Variants in NPAS2 observed in about 807,000 individuals in gnomAD.
NPAS2 encodes neuronal PAS domain-containing protein 2.
NPAS2 carries 23 observed loss-of-function variants against 107.5 expected under a neutral mutation model. The ratio of observed to expected loss-of-function variants is 0.21; its 90% CI spans 0.15 to 0.30. The LOEUF (loss-of-function observed/expected upper bound fraction) is 0.30, where lower values mean the gene tolerates loss of function less well. Among genes scored for constraint, NPAS2 ranks in the 10% least tolerant of loss-of-function variants. NPAS2 has a pLI of 1.00. For synonymous variants in NPAS2, 403 were observed against 417.5 expected (o/e 0.97, Z 0.42); for missense variants, 756 against 1,043.3 (o/e 0.72, Z 3.79).
At chr2:100,978,526 A>AAAAGAAAGAAAGAAAG (rs137857480) in intron 15 of NPAS2, among the ~76,000 whole-genome samples, 2 of 151,520 alleles carry the variant, frequency 1.3e-5, no homozygotes, top group African/African-American at 4.9e-5. Flanking sequence ...TGTTTAAAAA[A>AAAAGAAAGAAAGAAAG]AAAGAAAGAA....
chr2:100,849,556 A>G (rs866132389), intron 1 of NPAS2, among the ~76,000 whole-genome samples: 1 of 152,178 alleles, frequency 6.6e-6, no homozygotes, highest in Non-Finnish European at 1.5e-5. Context: ...TGCCTCAACC[A>G]TATTCTAATC....
chr2:100,860,411 C>T (rs542615175), intron 1 of NPAS2, among the ~76,000 whole-genome samples: 2 of 152,330 alleles, frequency 1.3e-5, no homozygotes, highest in Admixed American at 6.5e-5. Flanking sequence ...CCAGGTTTCT[C>T]CGCTGAACTA....
At chr2:100,956,696 A>G (rs1217671426) in intron 7 of NPAS2, among the ~76,000 whole-genome samples, 1 of 152,154 alleles carries the variant, frequency 6.6e-6, no homozygotes, top group Non-Finnish European at 1.5e-5. Context: ...CCAAAGAGAG[A>G]TGTGTAGGTT....
chr2:100,925,384 G>A, intron 3 of NPAS2, 90 bp downstream of exon 3: 3 of 1,425,640 alleles, frequency 2.1e-6, no homozygotes, highest in Non-Finnish European at 2.9e-6. Context: ...GGTTGGTTTT[G>A]TCTCCCCAGC....
At chr2:100,982,432 TGCC>T (rs1422812199) in intron 16 of NPAS2, 55 bp downstream of exon 16, 1 of 1,589,572 alleles carries the variant, frequency 6.3e-7, no homozygotes, top group Non-Finnish European at 8.6e-7. Context: ...GAAGGGGTCC[TGCC>T]GCCATTTCCG....
intron 1 of NPAS2, among the ~76,000 whole-genome samples, chr2:100,893,283 G>A (rs1026734752): frequency 1.3e-5 from 2 of 152,182 alleles, no homozygotes; most frequent in Non-Finnish European, 2.9e-5. Flanking sequence ...GGACTGGCTG[G>A]GAGGACAGAA....
Position 100,977,521 on chromosome 2 carries a change from G to A in NPAS2, c.1393-189G>A, listed in dbSNP as rs567826865. Among the ~76,000 whole-genome samples the A allele has an allele frequency of 2.0e-5, 3 of 152,298 alleles. No individual in the cohort carries two copies. The South Asian group carries it at 6.2e-4, about 32-fold the overall frequency. Reference sequence around the variant, plus strand: ...TGGAAGCCTGCACCAGTTGTGCAGGGGCTCTGCCCTTGTGCCCTGCGTAGG... The same window carrying A: ...TGGAAGCCTGCACCAGTTGTGCAGGAGCTCTGCCCTTGTGCCCTGCGTAGG... On this transcript the variant is annotated intron_variant, in intron 14 of 20. Transcript: ENST00000335681.
At position 100,968,142 on chromosome 2, in the gene NPAS2, A is replaced by G; in HGVS notation, c.908-139A>G. 1.2e-6 allele frequency: 1 copy of G among 847,640 alleles called. No individual in the cohort carries two copies. The highest frequency in any genetic ancestry group is 1.8e-6 in the Non-Finnish European group (1 of 540,624). 52.5% of individuals were successfully genotyped at this position (847,640 alleles called of 1,614,324 possible). A position where few individuals can be genotyped will look rare whatever the true frequency, so the allele number is the denominator to read the frequency against. On this transcript the variant is annotated intron_variant, in intron 10 of 20. Coordinates refer to ENST00000335681, the MANE Select transcript of NPAS2 (RefSeq NM_002518.4). This position sits in a 1 kb window ranked among gnomAD's most constrained non-coding sequence, Gnocchi z 5.3. ...GTACCGTGATCCTGACAGTCACTTAAAATACAGGGCAACCGGGGAAACAAG... is the reference window on the plus strand; with the variant it reads ...GTACCGTGATCCTGACAGTCACTTAGAATACAGGGCAACCGGGGAAACAAG...
At chr2:100,880,890 G>A (rs1680289986) in intron 1 of NPAS2, among the ~76,000 whole-genome samples, 1 of 152,216 alleles carries the variant, frequency 6.6e-6, no homozygotes, top group South Asian at 2.1e-4. Context: ...TGCTCAGCAG[G>A]AAAAACTGAC....
At chr2:100,956,644 A>G (rs1675584738) in intron 7 of NPAS2, among the ~76,000 whole-genome samples, 1 of 152,184 alleles carries the variant, frequency 6.6e-6, no homozygotes, top group Non-Finnish European at 1.5e-5. Context: ...TCCCTGGGCC[A>G]CCACTCAAAA....
chr2:100,936,597 C>T (rs1305379632), intron 4 of NPAS2, among the ~76,000 whole-genome samples: 4 of 152,228 alleles, frequency 2.6e-5, no homozygotes, highest in East Asian at 1.9e-4. Context: ...TGAATTATGT[C>T]GTCTTTATTT....
chr2:100,876,428 G>A (rs1161333305), intron 1 of NPAS2, among the ~76,000 whole-genome samples: 3 of 152,226 alleles, frequency 2.0e-5, no homozygotes, highest in Admixed American at 6.5e-5. Flanking sequence ...TCAGGAGAAC[G>A]TAGAACGAGG....
chr2:100,985,491 GTC>G (rs1176692673), intron 16 of NPAS2: 1 of 152,256 alleles, frequency 6.6e-6, no homozygotes, highest in Admixed American at 6.5e-5. Context: ...TGCTGTTACA[GTC>G]TGTTACATAA....
At chr2:100,907,421 A>G (rs906055939) in intron 2 of NPAS2, among the ~76,000 whole-genome samples, 2 of 151,700 alleles carry the variant, frequency 1.3e-5, no homozygotes, top group Admixed American at 6.6e-5. Context: ...TCAGATGGAA[A>G]AAGGAGTTTA....
At chr2:100,889,835 CT>C (rs1458135971) in intron 1 of NPAS2, among the ~76,000 whole-genome samples, 1 of 151,916 alleles carries the variant, frequency 6.6e-6, no homozygotes, top group Non-Finnish European at 1.5e-5. Flanking sequence ...ATGCTTTTTA[CT>C]TTTTAATTGA....
Position 100,977,748 on chromosome 2 carries a change from G to A in NPAS2, c.1431G>A (p.Gln477=), listed in dbSNP as rs764159713. 1 of 1,614,160 alleles carries A rather than the reference G, an allele frequency of 6.2e-7. No individual in the cohort carries two copies. The part of the protein sequence containing the change: ...LPSPSSCDLT[Q]QLLPQTVLQS... ...CCCCATCGTCCTGCGACCTCACACA[G>A]CAGCTCCTGCCTCAGACCGTTCTGC... The change falls in exon 15 of 21, where the codon CAG becomes CAA. Residue 477 remains glutamine (Q), a synonymous_variant. Transcript: ENST00000335681.
intron 1 of NPAS2, among the ~76,000 whole-genome samples, chr2:100,847,376 T>A (rs1357519169): frequency 6.7e-6 from 1 of 150,222 alleles, no homozygotes; most frequent in Non-Finnish European, 1.5e-5. Flanking sequence ...AAAAATGAAT[T>A]TTTTTTTTTT....
chr2:100,995,790 T>G lies in NPAS2; in HGVS notation c.*208T>G, dbSNP rs1678416283. ...GAATACTGACCGTGTTTCTCTTGCC[T>G]CCGAGGTTCTTGGGCACACTCTATA... is the stretch of plus-strand genomic sequence containing the variant. On this transcript the variant is annotated 3_prime_UTR_variant, in exon 21 of 21. Transcript: ENST00000335681. 6.5e-7 allele frequency: 1 copy of G among 1,547,260 alleles called. No homozygotes were observed. Among genetic ancestry groups the G allele is most frequent in the Non-Finnish European group, 8.7e-7 (1 of 1,145,424 alleles).
chr2:100,859,002 C>T (rs1355311745), intron 1 of NPAS2, among the ~76,000 whole-genome samples: 3 of 152,210 alleles, frequency 2.0e-5, no homozygotes, highest in Non-Finnish European at 2.9e-5. Flanking sequence ...CGGTGGCTCA[C>T]GCCTGTAATC....
Sources: gnomAD v4.1 joint callset for allele counts (sites outside exome capture counted in the v4.1 genomes callset) on GRCh38, gnomAD v4.1.1 for gene constraint, Gnocchi (gnomAD v3.1) non-coding constraint, MANE v1.5 for transcripts, NCBI Gene and HGNC (gene_info 2026-07-23, HGNC 2026-07-21) for gene names.